The following RP1 variants were observed in gnomAD, a reference collection of about 807,000 sequenced individuals.
The protein encoded by RP1 is oxygen-regulated protein 1.
Under a neutral mutation model 14.8 loss-of-function variants are expected in RP1, and 16 were observed. That is an observed-to-expected ratio of 1.08 (90% CI 0.73 to 1.65). The LOEUF is 1.65. RP1 is among the 40% of genes most tolerant of loss of function. The pLI, the probability that RP1 is intolerant of heterozygous loss-of-function variation, is 0.00. For synonymous variants in RP1, 876 were observed against 883.6 expected (o/e 0.99, Z 0.15); for missense variants, 2,631 against 2,535.0 (o/e 1.04, Z -0.81).
intron 1 of RP1, among the ~76,000 whole-genome samples, chr8:54,575,358 T>A (rs1563315990): frequency 6.6e-6 from 1 of 151,962 alleles, no homozygotes; most frequent in Non-Finnish European, 1.5e-5. Flanking sequence ...GAACAAACAA[T>A]GTCTATTTCT....
rs956077309 is a variant in RP1, at chr8:54,755,526, C to T, written c.2942-93C>T. On this transcript the variant is annotated intron_variant, in intron 20 of 22. Coordinates refer to the RP1 transcript ENST00000636932. ...TCTCATATATGTTTTTCTTTTTTTACTATAGCCTGAAAACCTATGGATCTG... is the reference window on the plus strand; with the variant it reads ...TCTCATATATGTTTTTCTTTTTTTATTATAGCCTGAAAACCTATGGATCTG... 4.9e-6 allele frequency: 6 copies of T among 1,236,244 alleles called. No homozygotes were observed. In the Admixed American group the frequency reaches 9.3e-5, roughly 19 times the overall value. The allele number at this position is 1,236,244 out of a possible 1,614,324, so 76.6% of individuals were successfully genotyped here.
chr8:54,805,264 A>T (rs1382250239), intron 24 of RP1, among the ~76,000 whole-genome samples: 1 of 152,190 alleles, frequency 6.6e-6, no homozygotes, highest in Non-Finnish European at 1.5e-5. Context: ...TGCTAGTTAT[A>T]TAGTATATAA....
At chr8:54,633,710 CCTCTCT>C (rs3077384), downstream of RP1, among the ~76,000 whole-genome samples, 86 of 118,510 alleles carry the variant, frequency 7.3e-4, no homozygotes, top group South Asian at 7.4e-3. Context: ...TTATTTTGTG[CCTCTCT>C]CTCTCTCTCT....
chr8:54,712,158 G>A (rs976683129), intron 15 of RP1, among the ~76,000 whole-genome samples: 2 of 152,122 alleles, frequency 1.3e-5, no homozygotes, highest in African/African-American at 4.8e-5. Context: ...TTGTGGGCTG[G>A]TTCCTGGGAG....
downstream of RP1, among the ~76,000 whole-genome samples, chr8:54,634,428 CA>C (rs1330062259): frequency 2.6e-5 from 4 of 152,230 alleles, no homozygotes; most frequent in East Asian, 3.9e-4. Flanking sequence ...GAATAGTTTG[CA>C]TTATCTGTGT....
intron 22 of RP1, chr8:54,769,699 T>C (rs1017931697): frequency 7.8e-7 from 1 of 1,277,930 alleles, no homozygotes; most frequent in Non-Finnish European, 1.1e-6. Context: ...TTCTCTCTAT[T>C]TTCTCCTCTC....
At chr8:54,759,838 A>T (rs911578735) in intron 22 of RP1, among the ~76,000 whole-genome samples, 7 of 152,164 alleles carry the variant, frequency 4.6e-5, no homozygotes, top group Admixed American at 4.6e-4. Context: ...GTTAAAACCC[A>T]ATCTGTTGTG....
chr8:54,850,254 G>C (rs1250445160), intron 25 of RP1, among the ~76,000 whole-genome samples: 11 of 152,148 alleles, frequency 7.2e-5, no homozygotes, highest in Admixed American at 7.2e-4. Flanking sequence ...ACAGGTATTA[G>C]TAATACCTGT....
At chr8:54,734,357 A>G (rs1310265578) in intron 17 of RP1, among the ~76,000 whole-genome samples, 1 of 152,120 alleles carries the variant, frequency 6.6e-6, no homozygotes, top group African/African-American at 2.4e-5. Context: ...ATTGAGTTTC[A>G]GTTGACCAGA....
intron 1 of RP1, among the ~76,000 whole-genome samples, chr8:54,601,232 A>G (rs929797098): frequency 2.6e-5 from 4 of 152,240 alleles, no homozygotes; most frequent in Admixed American, 2.6e-4. Flanking sequence ...AAATCCTATC[A>G]TAAGAATGAA....
chr8:54,791,748 A>C lies in RP1; in HGVS notation c.3615+8038A>C, dbSNP rs1810470641. ...AAGATTAAGAGACAGAGATCAAAGA[A>C]TACCAACACAAAAGTCATCAATTAC... is the stretch of plus-strand genomic sequence containing the variant. On this transcript the variant is annotated intron_variant, in intron 24 of 28. Coordinates refer to the RP1 transcript ENST00000637698. Among the ~76,000 whole-genome samples, 5 of 152,206 alleles carry C rather than the reference A, an allele frequency of 3.3e-5. No homozygotes were observed. The South Asian group carries it at 1.0e-3, about 32-fold the overall frequency.
intron 19 of RP1, among the ~76,000 whole-genome samples, chr8:54,742,769 A>T (rs1000907158): frequency 2.6e-5 from 4 of 152,192 alleles, no homozygotes; most frequent in Non-Finnish European, 5.9e-5. Flanking sequence ...TTTTAGAAGA[A>T]ACTTACCCAT....
chr8:54,745,223 A>G (rs2129361459), intron 19 of RP1, among the ~76,000 whole-genome samples: 1 of 152,292 alleles, frequency 6.6e-6, no homozygotes, highest in Non-Finnish European at 1.5e-5. Flanking sequence ...CCCAGTGAAA[A>G]TGGCACATGC....
intron 1 of RP1, among the ~76,000 whole-genome samples, chr8:54,582,845 A>G (rs2129297342): frequency 6.6e-6 from 1 of 152,230 alleles, no homozygotes; most frequent in South Asian, 2.1e-4. Flanking sequence ...TTGCACATTG[A>G]TTTTGTATCC....
At chr8:54,562,482 T>C (rs1228377324) in intron 1 of RP1, among the ~76,000 whole-genome samples, 11 of 152,268 alleles carry the variant, frequency 7.2e-5, no homozygotes, top group Admixed American at 6.5e-4. Flanking sequence ...AAGGTCAGCC[T>C]GGCCAACAGG....
chr8:54,820,796 A>G (rs765022204), intron 24 of RP1, among the ~76,000 whole-genome samples: 1 of 152,014 alleles, frequency 6.6e-6, no homozygotes, highest in Admixed American at 6.6e-5. Flanking sequence ...CTGGTTGTTC[A>G]ATTTGGTGTT....
intron 7 of RP1, among the ~76,000 whole-genome samples, chr8:54,670,856 T>C (rs1423066366): frequency 1.3e-5 from 2 of 151,318 alleles, no homozygotes; most frequent in Non-Finnish European, 2.9e-5. Context: ...AGAATTTCTA[T>C]CTTTTCACTT....
intron 24 of RP1, among the ~76,000 whole-genome samples, chr8:54,819,508 T>G (rs1811207298): frequency 6.6e-6 from 1 of 152,028 alleles, no homozygotes; most frequent in South Asian, 2.1e-4. Flanking sequence ...CTCCTGGATG[T>G]TCTTGATGTT....
At chr8:54,844,658 C>G (rs747557230) in intron 25 of RP1, among the ~76,000 whole-genome samples, 1 of 152,202 alleles carries the variant, frequency 6.6e-6, no homozygotes, top group East Asian at 1.9e-4. Flanking sequence ...GCACATCTCT[C>G]TAGGTAAAGT....
Sources: gnomAD v4.1 joint callset for allele counts (sites outside exome capture counted in the v4.1 genomes callset) on GRCh38, gnomAD v4.1.1 for gene constraint, MANE v1.5 for transcripts, NCBI Gene and HGNC (gene_info 2026-07-23, HGNC 2026-07-21) for gene names.